The following SGMS1 variants were observed in gnomAD, a reference collection of about 807,000 sequenced individuals.
The protein encoded by SGMS1 is phosphatidylcholine:ceramide cholinephosphotransferase 1.
A neutral mutation model predicts 46.2 loss-of-function variants in SGMS1; 13 were observed. That is an observed-to-expected ratio of 0.28 (90% CI 0.18 to 0.45). The LOEUF (loss-of-function observed/expected upper bound fraction) is 0.45, where lower values mean the gene tolerates loss of function less well. Among genes scored for constraint, SGMS1 ranks in the 20% least tolerant of loss-of-function variants. The pLI is 1.00. For missense variants in SGMS1, 324 were observed against 519.9 expected (o/e 0.62, Z 3.66); for synonymous variants, 203 against 187.8 (o/e 1.08, Z -0.66).
intron 6 of SGMS1, among the ~76,000 whole-genome samples, chr10:50,409,103 T>C (rs1385471968): frequency 2.0e-5 from 3 of 152,158 alleles, no homozygotes; most frequent in Admixed American, 2.0e-4. Context: ...TATTTTTCCT[T>C]TTCTTTTTAT....
chr10:50,470,537 G>C (rs568641676), intron 3 of SGMS1, among the ~76,000 whole-genome samples: 1 of 151,976 alleles, frequency 6.6e-6, no homozygotes, highest in South Asian at 2.1e-4. Flanking sequence ...AAGGTTGCAA[G>C]TCTCTTGCTG....
At chr10:50,382,931 C>G (rs532114518) in intron 6 of SGMS1, among the ~76,000 whole-genome samples, 8 of 152,210 alleles carry the variant, frequency 5.3e-5, no homozygotes, top group Non-Finnish European at 7.4e-5. Flanking sequence ...CATGAAATGC[C>G]TCACACATGT....
At chr10:50,527,826 A>G (rs1303401448) in intron 2 of SGMS1, among the ~76,000 whole-genome samples, 1 of 152,202 alleles carries the variant, frequency 6.6e-6, no homozygotes, top group Non-Finnish European at 1.5e-5. Context: ...TGCTGCAGGG[A>G]AAGAAGAGGG....
intron 2 of SGMS1, among the ~76,000 whole-genome samples, chr10:50,573,624 A>G (rs1838354450): frequency 6.6e-6 from 1 of 152,218 alleles, no homozygotes; most frequent in South Asian, 2.1e-4. Flanking sequence ...ATCCTGATCA[A>G]ATTCCCAAAG....
chr10:50,329,162 A>T (rs1416492740), intron 7 of SGMS1, among the ~76,000 whole-genome samples: 1 of 152,150 alleles, frequency 6.6e-6, no homozygotes, highest in African/African-American at 2.4e-5. Flanking sequence ...ACACATACTC[A>T]CACACACACC....
chr10:50,334,380 C>A (rs1015501264), intron 7 of SGMS1, among the ~76,000 whole-genome samples: 2 of 152,078 alleles, frequency 1.3e-5, no homozygotes, highest in African/African-American at 4.8e-5. Flanking sequence ...TATATGCATA[C>A]ATGTGTGTTT....
At chr10:50,403,031 C>T (rs10763426) in intron 6 of SGMS1, among the ~76,000 whole-genome samples, 25,699 of 152,102 alleles carry the variant, frequency 0.17, 2,584 homozygotes, top group East Asian at 0.26. Context: ...CCCAGTTCCA[C>T]CCAAGTTGCT....
intron 2 of SGMS1, among the ~76,000 whole-genome samples, chr10:50,578,552 C>G (rs1279033875): frequency 6.6e-6 from 1 of 152,154 alleles, no homozygotes; most frequent in Non-Finnish European, 1.5e-5. Flanking sequence ...GAGGCAGCTG[C>G]TGCACAGTTA....
At chr10:50,588,986 C>T (rs1418181546) in intron 2 of SGMS1, among the ~76,000 whole-genome samples, 1 of 152,094 alleles carries the variant, frequency 6.6e-6, no homozygotes, top group Non-Finnish European at 1.5e-5. Flanking sequence ...CTGCCTCGGC[C>T]TCCCAAAGTG....
At chr10:50,332,503 A>G (rs1847641848) in intron 7 of SGMS1, among the ~76,000 whole-genome samples, 1 of 151,802 alleles carries the variant, frequency 6.6e-6, no homozygotes, top group Non-Finnish European at 1.5e-5. Context: ...AAATTCTAAA[A>G]CCTGTTTCCT....
intron 3 of SGMS1, among the ~76,000 whole-genome samples, chr10:50,483,785 G>C (rs1248675784): frequency 6.6e-6 from 1 of 152,148 alleles, no homozygotes; most frequent in Non-Finnish European, 1.5e-5. Flanking sequence ...ACCTGCTCCT[G>C]AATGACTCCT....
At chr10:50,342,125 T>C (rs1589394014) in intron 7 of SGMS1, 1 of 152,222 alleles carries the variant, frequency 6.6e-6, no homozygotes, top group African/African-American at 2.4e-5. Context: ...TGTACAGTAC[T>C]GGTATTTTGT....
At chr10:50,496,756 A>T (rs1837618717) in intron 3 of SGMS1, among the ~76,000 whole-genome samples, 1 of 152,156 alleles carries the variant, frequency 6.6e-6, no homozygotes, top group Non-Finnish European at 1.5e-5. Flanking sequence ...TCTCAAATTC[A>T]TTATGAGCTG....
intron 3 of SGMS1, among the ~76,000 whole-genome samples, chr10:50,504,233 C>T (rs1837686112): frequency 6.6e-6 from 1 of 152,086 alleles, no homozygotes; most frequent in Admixed American, 6.5e-5. Flanking sequence ...GCTCCCAGGC[C>T]CCTCCCCTGG....
At chr10:50,624,733 G>A (rs1375342563), upstream of SGMS1, 2 of 985,322 alleles carry the variant, frequency 2.0e-6, no homozygotes, top group African/African-American at 1.7e-5. Context: ...TCTGCTCCCC[G>A]AGCGAAGCCC....
chr10:50,398,121 A>AGAGTAAT (rs1848873221), intron 6 of SGMS1, among the ~76,000 whole-genome samples: 2 of 152,222 alleles, frequency 1.3e-5, no homozygotes, highest in South Asian at 4.1e-4. Flanking sequence ...AGTGAGGCAG[A>AGAGTAAT]CAAGTTTGGT....
At chr10:50,381,734 T>C (rs1296484789) in intron 6 of SGMS1, among the ~76,000 whole-genome samples, 1 of 152,206 alleles carries the variant, frequency 6.6e-6, no homozygotes, top group Non-Finnish European at 1.5e-5. Context: ...TCTAGAGAAG[T>C]TGCCCACAGT....
At chr10:50,596,216 G>A (rs1293226616) in intron 1 of SGMS1, among the ~76,000 whole-genome samples, 1 of 119,478 alleles carries the variant, frequency 8.4e-6, no homozygotes, top group Non-Finnish European at 1.7e-5. Context: ...CGCTCTTGTT[G>A]CCCAGGCTGA....
chr10:50,579,161 A>C (rs917776848), intron 2 of SGMS1, among the ~76,000 whole-genome samples: 1 of 152,172 alleles, frequency 6.6e-6, no homozygotes, highest in African/African-American at 2.4e-5. Flanking sequence ...CTGTCAAAAA[A>C]TTTTAAAAAA....
Sources: gnomAD v4.1 joint callset for allele counts (sites outside exome capture counted in the v4.1 genomes callset) on GRCh38, gnomAD v4.1.1 for gene constraint, MANE v1.5 for transcripts, NCBI Gene and HGNC (gene_info 2026-07-23, HGNC 2026-07-21) for gene names.